TEX15: variants seen among roughly 807,000 people sequenced by gnomAD.
TEX15 encodes the protein testis expressed 15, meiosis and synapsis associated, also known as testis-expressed protein 15.
TEX15 carries 171 observed loss-of-function variants against 237.3 expected under a neutral mutation model. The observed-to-expected ratio is 0.72, with a 90% CI of 0.64 to 0.82. TEX15 has a LOEUF of 0.82. Among genes scored for constraint, TEX15 ranks in the 40% least tolerant of loss-of-function variants. The probability of loss-of-function intolerance (pLI) is 0.00; values close to 1 mark genes in which losing one functional copy is unlikely to be tolerated. For missense variants in TEX15, 3,750 were observed against 3,646.5 expected, an observed-to-expected ratio of 1.03 and a Z score of -0.73; for synonymous variants, 1,338 against 1,269.8, an observed-to-expected ratio of 1.05 and a Z score of -1.14.
At chr8:30,872,152 T>A (rs1320916450) in intron 4 of TEX15, among the ~76,000 whole-genome samples, 1 of 152,066 alleles carries the variant, frequency 6.6e-6, no homozygotes, top group African/African-American at 2.4e-5. Context: ...TATAATGAAC[T>A]TCATATAGTG....
intron 9 of TEX15, among the ~76,000 whole-genome samples, chr8:30,839,205 T>C (rs990920152): frequency 6.6e-6 from 1 of 152,158 alleles, no homozygotes; most frequent in Non-Finnish European, 1.5e-5. Flanking sequence ...TATTTCTCTG[T>C]AGTCAAGAGA....
intron 1 of TEX15, among the ~76,000 whole-genome samples, chr8:30,903,953 T>A (rs1809050762): frequency 6.6e-6 from 1 of 152,160 alleles, no homozygotes; most frequent in Admixed American, 6.5e-5. Context: ...TATTCTCTGC[T>A]CAAACAGATG....
chr8:30,867,829 AG>A (rs1221172780), intron 4 of TEX15, among the ~76,000 whole-genome samples: 1 of 152,046 alleles, frequency 6.6e-6, no homozygotes, highest in Non-Finnish European at 1.5e-5. Context: ...AAGTTTTTAT[AG>A]TTTATTTTGT....
chr8:30,853,163 T>C (rs1807825119), intron 7 of TEX15, among the ~76,000 whole-genome samples: 1 of 152,186 alleles, frequency 6.6e-6, no homozygotes, highest in African/African-American at 2.4e-5. Flanking sequence ...GCAGTAGAAG[T>C]AGGGAAAGGT....
chr8:30,874,556 A>G (rs1282301024), intron 4 of TEX15, among the ~76,000 whole-genome samples: 12 of 152,152 alleles, frequency 7.9e-5, no homozygotes. Flanking sequence ...ACATCAACCC[A>G]GTCTCTTAAG....
At chr8:30,839,069 G>T (rs1807385970) in intron 9 of TEX15, among the ~76,000 whole-genome samples, 1 of 151,928 alleles carries the variant, frequency 6.6e-6, no homozygotes, top group Non-Finnish European at 1.5e-5. Context: ...GCCCGCCTTG[G>T]CCTCCCAAAG....
chr8:30,841,996 A>G lies in TEX15; in HGVS notation c.8163+8T>C, dbSNP rs1212487179. 5 of 1,555,286 alleles carry G rather than the reference A, an allele frequency of 3.2e-6. No homozygotes were observed. Among genetic ancestry groups the G allele is most frequent in the Non-Finnish European group, 4.3e-6 (5 of 1,154,482 alleles). On this transcript the variant is annotated splice_region_variant and intron_variant, in intron 8 of 10. Transcript: ENST00000643185. ...ACTTATAAAAGTTTTGTTTTAAAAC[A>G]TACATACCTTTAGCTTTTTACAACT...
intron 5 of TEX15, among the ~76,000 whole-genome samples, chr8:30,862,568 C>T (rs188582210): frequency 2.0e-5 from 3 of 152,160 alleles, no homozygotes; most frequent in African/African-American, 7.2e-5. Context: ...AAATCCTTAT[C>T]TATTACTTTT....
At position 30,848,386 on chromosome 8, in the gene TEX15, T is replaced by C; in HGVS notation, c.1781A>G (p.Gln594Arg). The C allele has an allele frequency of 1.1e-5, 17 of 1,614,192 alleles. No individual in the cohort carries two copies. Among genetic ancestry groups the C allele is most frequent in the Non-Finnish European group, 1.4e-5 (16 of 1,180,018 alleles). Residue 594 changes from glutamine (Q) to arginine (R), a missense_variant, in exon 8 of 11, where the codon CAG becomes CGG. Physicochemically the swap from Gln to Arg is conservative, Grantham distance 43. Transcript: ENST00000643185. ...AACTGTAGACGTTTGGCAACCAGTC[T>C]GATAAATTGTTTTTAAATCAGAAGA... is the stretch of plus-strand genomic sequence containing the variant. The part of the protein sequence containing the change: ...SQSSDLKTIY[Q>R]TGCQTSTVFP...
chr8:30,883,621 C>A (rs947689170), intron 3 of TEX15, among the ~76,000 whole-genome samples: 8 of 152,120 alleles, frequency 5.3e-5, no homozygotes, highest in Non-Finnish European at 2.9e-5. Flanking sequence ...TTTTCTGTTC[C>A]TGTATTTGCA....
chr8:30,856,197 C>T (rs1426740611), intron 7 of TEX15, among the ~76,000 whole-genome samples: 4 of 152,102 alleles, frequency 2.6e-5, no homozygotes, highest in East Asian at 2.0e-4. Context: ...CCATCTGCCT[C>T]GGCCTCCCAA....
chr8:30,837,599 T>G lies in TEX15; in HGVS notation c.8685A>C (p.Ser2895=). 6.2e-7 allele frequency: 1 copy of G among 1,614,146 alleles called. No homozygotes were observed. The highest frequency in any genetic ancestry group is 8.5e-7 in the Non-Finnish European group (1 of 1,179,992). ...VSLVPDASVL[S]KPIFCFVKDV... ...CTTTCACAAAACAGAAAATTGGCTT[T>G]GAGAGCACCGACGCATCAGGCACAA... The change falls in exon 10 of 11, where the codon TCA becomes TCC. Residue 2895 remains serine (S), a synonymous_variant. Transcript: ENST00000643185.
At chr8:30,909,394 A>ACCCCCCCCCCCCCCCCCCCCCCCCCCC (rs35046956) in intron 1 of TEX15, among the ~76,000 whole-genome samples, 4 of 118,340 alleles carry the variant, frequency 3.4e-5, no homozygotes, top group African/African-American at 1.1e-4. Flanking sequence ...TTAAAGACAG[A>ACCCCCCCCCCCCCCCCCCCCCCCCCCC]CCCCCCCCCG....
At chr8:30,870,025 T>A (rs1316822177) in intron 4 of TEX15, among the ~76,000 whole-genome samples, 3 of 152,056 alleles carry the variant, frequency 2.0e-5, no homozygotes, top group Non-Finnish European at 4.4e-5. Flanking sequence ...TCAAAGTCTG[T>A]CACCTCTGAA....
Position 30,843,060 on chromosome 8 carries a change from AAT to A in TEX15, c.7105_7106del (p.Ile2369LeufsTer4). On this transcript the variant is annotated frameshift_variant, in exon 8 of 11. Transcript: ENST00000643185. LOFTEE classifies it high-confidence loss of function. ...GATCCAATATCTCACTAATACAACA[AAT>A]ATCTGGGTGTGCAAGCAAATTACTG... The part of the protein sequence containing the change: ...FNSNLLAHPD[I>X]CCISEILDQA... The A allele has an allele frequency of 6.2e-7, 1 of 1,613,454 alleles. No homozygotes were observed. The highest frequency in any genetic ancestry group is 8.5e-7 in the Non-Finnish European group (1 of 1,179,696).
intron 3 of TEX15, among the ~76,000 whole-genome samples, chr8:30,883,294 T>C (rs1808571515): frequency 6.6e-6 from 1 of 152,152 alleles, no homozygotes; most frequent in Non-Finnish European, 1.5e-5. Context: ...TAACCAACTC[T>C]CATCCTATGG....
chr8:30,846,036 G>A lies in TEX15; in HGVS notation c.4131C>T (p.Ser1377=). ...GAACAACTGCTTTGTCTAGTTTTCTGGAAAGACATTTGCTTTTACATAAAG... is the reference window on the plus strand; with the variant it reads ...GAACAACTGCTTTGTCTAGTTTTCTAGAAAGACATTTGCTTTTACATAAAG... The part of the protein sequence containing the change: ...EASLCKSKCL[S]RKLDKAVVHL... Residue 1377 remains serine, a synonymous_variant, in exon 8 of 11, where the codon TCC becomes TCT. Coordinates refer to ENST00000643185, the MANE Select transcript of TEX15 (RefSeq NM_001350162.2). The A allele has an allele frequency of 1.2e-6, 2 of 1,613,182 alleles. No individual in the cohort carries two copies. The highest frequency in any genetic ancestry group is 1.7e-6 in the Non-Finnish European group (2 of 1,179,544).
intron 5 of TEX15, among the ~76,000 whole-genome samples, chr8:30,860,651 G>A (rs963749545): frequency 6.9e-6 from 1 of 144,592 alleles, no homozygotes; most frequent in Admixed American, 7.2e-5. Flanking sequence ...TGCAGCCTCC[G>A]CCTCTTGGGC....
intron 9 of TEX15, among the ~76,000 whole-genome samples, chr8:30,839,585 G>C (rs538769508): frequency 6.6e-6 from 1 of 151,890 alleles, no homozygotes; most frequent in Non-Finnish European, 1.5e-5. Context: ...CTTATTCTGT[G>C]AAACAATCAC....
Sources: allele counts gnomAD v4.1 joint callset (sites outside exome capture counted in the v4.1 genomes callset), GRCh38; gene constraint gnomAD v4.1.1; transcripts MANE v1.5; gene names NCBI Gene and HGNC (gene_info 2026-07-23, HGNC 2026-07-21).